EFNA5: variants seen among roughly 807,000 people sequenced by gnomAD.
EFNA5 encodes ephrin-A5.
EFNA5 carries 5 observed loss-of-function variants against 22.9 expected under a neutral mutation model. The ratio of observed to expected loss-of-function variants is 0.22; its 90% CI spans 0.11 to 0.46. EFNA5 has a LOEUF of 0.46. EFNA5 is among the 20% of genes least tolerant of loss of function. EFNA5 has a pLI of 0.99. For synonymous variants in EFNA5, 113 were observed against 112.2 expected, an observed-to-expected ratio of 1.01 and a Z score of -0.04; for missense variants, 237 against 293.3, an observed-to-expected ratio of 0.81 and a Z score of 1.40.
chr5:107,557,218 T>C (rs938356549), intron 1 of EFNA5, among the ~76,000 whole-genome samples: 7 of 152,138 alleles, frequency 4.6e-5, no homozygotes, highest in African/African-American at 1.7e-4. Context: ...CCCAGCACAA[T>C]GCCTGGTACG....
At chr5:107,658,771 A>G (rs909826759) in intron 1 of EFNA5, among the ~76,000 whole-genome samples, 5 of 152,160 alleles carry the variant, frequency 3.3e-5, no homozygotes, top group African/African-American at 7.2e-5. Flanking sequence ...TCAGGGCCCT[A>G]TGTAGCCCAG....
intron 1 of EFNA5, among the ~76,000 whole-genome samples, chr5:107,450,442 C>G (rs188924173): frequency 2.6e-5 from 4 of 152,128 alleles, no homozygotes; most frequent in Admixed American, 6.6e-5. Context: ...TTAGTTTTGT[C>G]GACTAATATT....
chr5:107,571,214 C>A (rs1275904782), intron 1 of EFNA5, among the ~76,000 whole-genome samples: 1 of 152,160 alleles, frequency 6.6e-6, no homozygotes, highest in African/African-American at 2.4e-5. Context: ...TTTCTGCTCC[C>A]GTGTCCGCCC....
At chr5:107,489,547 A>T (rs1253149586) in intron 1 of EFNA5, among the ~76,000 whole-genome samples, 1 of 152,152 alleles carries the variant, frequency 6.6e-6, no homozygotes, top group Admixed American at 6.5e-5. Flanking sequence ...TACCTAAAAA[A>T]GTTTTAGTCC....
chr5:107,533,777 T>C (rs900445365), intron 1 of EFNA5, among the ~76,000 whole-genome samples: 2 of 152,202 alleles, frequency 1.3e-5, no homozygotes, highest in Non-Finnish European at 2.9e-5. Context: ...CCCCAAAATA[T>C]ATATCAGCAT....
intron 1 of EFNA5, among the ~76,000 whole-genome samples, chr5:107,540,404 G>A (rs55837064): frequency 0.096 from 14,532 of 151,934 alleles, 892 homozygotes; most frequent in South Asian, 0.15. Context: ...ATTTAAAAAA[G>A]GAAAAAAGTC....
intron 1 of EFNA5, among the ~76,000 whole-genome samples, chr5:107,608,561 G>A (rs1434132555): frequency 6.6e-6 from 1 of 152,202 alleles, no homozygotes; most frequent in Non-Finnish European, 1.5e-5. Context: ...TCCCCTGCAT[G>A]TCATGGTGCC....
chr5:107,627,304 C>T (rs1174148011), intron 1 of EFNA5, among the ~76,000 whole-genome samples: 1 of 152,104 alleles, frequency 6.6e-6, no homozygotes, highest in Non-Finnish European at 1.5e-5. Flanking sequence ...AGTTTCTCAC[C>T]TGAGGAATTG....
At chr5:107,635,941 T>A (rs1750364638) in intron 1 of EFNA5, among the ~76,000 whole-genome samples, 1 of 152,224 alleles carries the variant, frequency 6.6e-6, no homozygotes, top group Non-Finnish European at 1.5e-5. Flanking sequence ...GGGACATGGG[T>A]TGAAAATATT....
At chr5:107,428,179 T>G (rs534525164) in intron 1 of EFNA5, among the ~76,000 whole-genome samples, 1 of 152,366 alleles carries the variant, frequency 6.6e-6, no homozygotes, top group Admixed American at 6.5e-5. Context: ...GTGCTTTTCT[T>G]AGATCTGCTA....
intron 1 of EFNA5, among the ~76,000 whole-genome samples, chr5:107,555,231 G>T (rs530465909): frequency 7.6e-4 from 116 of 152,296 alleles, no homozygotes; most frequent in African/African-American, 2.7e-3. Context: ...TACCTGACAG[G>T]CAATTTCATT....
At chr5:107,484,684 TAATTA>T (rs1746543032) in intron 1 of EFNA5, among the ~76,000 whole-genome samples, 1 of 152,156 alleles carries the variant, frequency 6.6e-6, no homozygotes, top group Non-Finnish European at 1.5e-5. Flanking sequence ...TCAGGCAAAT[TAATTA>T]AATAGGATGG....
At chr5:107,470,238 C>T (rs561197735) in intron 1 of EFNA5, among the ~76,000 whole-genome samples, 52 of 152,302 alleles carry the variant, frequency 3.4e-4, no homozygotes, top group Middle Eastern at 3.4e-3. Context: ...AGTGAGGGTC[C>T]TGGGAACACT....
intron 1 of EFNA5, among the ~76,000 whole-genome samples, chr5:107,631,812 C>A (rs904851288): frequency 1.3e-5 from 2 of 152,146 alleles, no homozygotes; most frequent in Admixed American, 1.3e-4. Flanking sequence ...TTGAGGTCTG[C>A]TTTCTCAAAG....
At chr5:107,587,806 T>G (rs991089413) in intron 1 of EFNA5, among the ~76,000 whole-genome samples, 2 of 152,214 alleles carry the variant, frequency 1.3e-5, no homozygotes, top group Non-Finnish European at 2.9e-5. Context: ...CGTAAGCCAC[T>G]GCGCCTGGCC....
chr5:107,423,462 G>C (rs926224050), intron 2 of EFNA5, among the ~76,000 whole-genome samples: 6 of 149,414 alleles, frequency 4.0e-5, no homozygotes, highest in Non-Finnish European at 7.4e-5. Flanking sequence ...GGCTGGTCTT[G>C]ATTTTTTTGG....
At chr5:107,408,812 T>C (rs1748289151) in intron 2 of EFNA5, among the ~76,000 whole-genome samples, 1 of 152,206 alleles carries the variant, frequency 6.6e-6, no homozygotes, top group Admixed American at 6.5e-5. Context: ...TTTTATCGAT[T>C]CCTCCTTCCC....
intron 1 of EFNA5, among the ~76,000 whole-genome samples, chr5:107,566,774 G>T (rs1391343760): frequency 2.0e-5 from 3 of 152,324 alleles, no homozygotes; most frequent in East Asian, 3.9e-4. Context: ...TAGGTTTTGG[G>T]TTTCTTCCAG....
At chr5:107,668,086 C>T (rs1751113500) in intron 1 of EFNA5, among the ~76,000 whole-genome samples, 1 of 151,954 alleles carries the variant, frequency 6.6e-6, no homozygotes, top group East Asian at 1.9e-4. Context: ...GATAACATAC[C>T]AAGATAAATG....
Sources: gnomAD v4.1 joint callset for allele counts (sites outside exome capture counted in the v4.1 genomes callset) on GRCh38, gnomAD v4.1.1 for gene constraint, MANE v1.5 for transcripts, NCBI Gene and HGNC (gene_info 2026-07-23, HGNC 2026-07-21) for gene names.